The following CALN1 variants were observed in gnomAD, a reference collection of about 807,000 sequenced individuals.
CALN1 encodes the protein calcium-binding protein 8.
CALN1 carries 17 observed loss-of-function variants against 30.6 expected under a neutral mutation model. The ratio of observed to expected loss-of-function variants is 0.56; its 90% CI spans 0.38 to 0.83. The LOEUF (loss-of-function observed/expected upper bound fraction) is 0.83. CALN1 is among the 40% of genes least tolerant of loss of function. The pLI, the probability that CALN1 is intolerant of heterozygous loss-of-function variation, is 0.00. For synonymous variants in CALN1, 156 were observed against 131.4 expected (o/e 1.19, Z -1.28); for missense variants, 291 against 354.9 (o/e 0.82, Z 1.45).
chr7:72,016,599 G>A (rs762844065), intron 5 of CALN1, among the ~76,000 whole-genome samples: 5 of 151,658 alleles, frequency 3.3e-5, no homozygotes, highest in East Asian at 3.9e-4. Context: ...ACCATGCCTC[G>A]CTAATTTTTG....
chr7:71,978,867 T>C (rs1482875340), intron 5 of CALN1, among the ~76,000 whole-genome samples: 2 of 152,250 alleles, frequency 1.3e-5, no homozygotes, highest in African/African-American at 4.8e-5. Context: ...TGAGCAACTA[T>C]TTGTTGGAAG....
At chr7:71,979,216 G>T (rs1167683780) in intron 5 of CALN1, among the ~76,000 whole-genome samples, 1 of 152,116 alleles carries the variant, frequency 6.6e-6, no homozygotes, top group African/African-American at 2.4e-5. Flanking sequence ...ATTTTTCCTA[G>T]GACTGGGGAG....
At chr7:72,189,695 G>C (rs1460722365) in intron 3 of CALN1, among the ~76,000 whole-genome samples, 1 of 151,226 alleles carries the variant, frequency 6.6e-6, no homozygotes, top group African/African-American at 2.4e-5. Context: ...TTGAATCCAG[G>C]AGGCAGAGGC....
At chr7:72,343,704 A>G (rs1334423890) in intron 2 of CALN1, among the ~76,000 whole-genome samples, 1 of 152,182 alleles carries the variant, frequency 6.6e-6, no homozygotes, top group Admixed American at 6.5e-5. Flanking sequence ...TTGAAGAAGA[A>G]GCTATTCCAG....
At chr7:72,458,211 T>A in the CALN1 span, among the ~76,000 whole-genome samples, 1,320 of 111,624 alleles carry the variant, frequency 0.012, 92 homozygotes, top group African/African-American at 0.035. Flanking sequence ...ATAATATATT[T>A]TATAATATAT....
At chr7:72,456,182 CA>C in the CALN1 span, among the ~76,000 whole-genome samples, 904 of 115,434 alleles carry the variant, frequency 7.8e-3, 2 homozygotes, top group African/African-American at 0.021. Flanking sequence ...CACTCAGTCT[CA>C]AAAAAAAAAA....
intron 5 of CALN1, among the ~76,000 whole-genome samples, chr7:71,817,859 C>A (rs907311583): frequency 3.3e-5 from 5 of 151,482 alleles, no homozygotes; most frequent in Admixed American, 3.3e-4. Flanking sequence ...TAATTATAAT[C>A]TTTTTCTATA....
At chr7:72,246,917 G>A (rs969785735) in intron 3 of CALN1, among the ~76,000 whole-genome samples, 1 of 151,924 alleles carries the variant, frequency 6.6e-6, no homozygotes, top group Non-Finnish European at 1.5e-5. Context: ...ACCATGCCCG[G>A]CTAATTTCAT....
chr7:72,303,579 A>G (rs564624754), intron 2 of CALN1, among the ~76,000 whole-genome samples: 1 of 152,224 alleles, frequency 6.6e-6, no homozygotes, highest in Non-Finnish European at 1.5e-5. Context: ...AAAGAAAAAA[A>G]AAAAAGAAAC....
intron 2 of CALN1, among the ~76,000 whole-genome samples, chr7:72,354,400 A>G (rs188961784): frequency 1.3e-5 from 2 of 152,350 alleles, no homozygotes; most frequent in South Asian, 2.1e-4. Flanking sequence ...CTACAGGTTC[A>G]GCATCATCAA....
chr7:72,140,113 A>C (rs963218799), intron 3 of CALN1, among the ~76,000 whole-genome samples: 3 of 151,916 alleles, frequency 2.0e-5, no homozygotes, highest in Non-Finnish European at 1.5e-5. Flanking sequence ...TCTGCAATAA[A>C]TTTAAAAATT....
In CALN1 at chr7:71,837,203, GCC is replaced by G. The variant is rs1277455180; in HGVS notation, c.502-26713_502-26712del. Among the ~76,000 whole-genome samples the G allele has an allele frequency of 6.5e-5, 8 of 122,422 alleles. No individual in the cohort carries two copies. The Admixed American group carries it at 8.9e-4, about 14-fold the overall frequency. 80.3% of individuals were successfully genotyped at this position (122,422 alleles called of 152,430 possible). ...GCTGAGATCACGCCACTGCACTCCAGCCCGGGTGACAGGGCGAAACTCCATCT... is the reference window on the plus strand; with the variant it reads ...GCTGAGATCACGCCACTGCACTCCAGCGGGTGACAGGGCGAAACTCCATCT... On this transcript the variant is annotated intron_variant, in intron 5 of 6. Coordinates refer to ENST00000395275, the MANE Select transcript of CALN1 (RefSeq NM_031468.4).
intron 4 of CALN1, among the ~76,000 whole-genome samples, chr7:72,057,939 A>G (rs1318582078): frequency 1.3e-5 from 2 of 152,246 alleles, no homozygotes; most frequent in Non-Finnish European, 2.9e-5. Context: ...CGAATACTGC[A>G]GCTGAATGCT....
chr7:72,103,844 G>T (rs1292380315), intron 4 of CALN1, among the ~76,000 whole-genome samples: 3 of 152,118 alleles, frequency 2.0e-5, no homozygotes, highest in Non-Finnish European at 4.4e-5. Context: ...GTGACAATGG[G>T]AATGACACAG....
chr7:72,478,853 T>G, the CALN1 span, among the ~76,000 whole-genome samples: 2 of 151,238 alleles, frequency 1.3e-5, no homozygotes. Context: ...GATTGTTTCT[T>G]CACAGGTTTA....
At chr7:72,321,892 C>G (rs1313317200) in intron 2 of CALN1, among the ~76,000 whole-genome samples, 1 of 152,132 alleles carries the variant, frequency 6.6e-6, no homozygotes, top group Admixed American at 6.5e-5. Context: ...ACAAATCACC[C>G]TGGGTCCCAG....
At chr7:71,846,979 C>T (rs1326521878) in intron 5 of CALN1, among the ~76,000 whole-genome samples, 1 of 147,130 alleles carries the variant, frequency 6.8e-6, no homozygotes, top group African/African-American at 2.5e-5. Context: ...CATATATACA[C>T]ATATACACAC....
At chr7:72,439,861 G>C (rs1474938077) in intron 1 of CALN1, among the ~76,000 whole-genome samples, 1 of 152,158 alleles carries the variant, frequency 6.6e-6, no homozygotes, top group Non-Finnish European at 1.5e-5. Flanking sequence ...ACAGGCGTGA[G>C]CCACTGTGCC....
chr7:71,825,359 T>C (rs934143319), intron 5 of CALN1, among the ~76,000 whole-genome samples: 1 of 152,222 alleles, frequency 6.6e-6, no homozygotes, highest in Non-Finnish European at 1.5e-5. Flanking sequence ...ATAAGTCTCA[T>C]GAGATCTGGT....
Sources: gnomAD v4.1 joint callset for allele counts (sites outside exome capture counted in the v4.1 genomes callset) on GRCh38, gnomAD v4.1.1 for gene constraint, MANE v1.5 for transcripts, NCBI Gene and HGNC (gene_info 2026-07-23, HGNC 2026-07-21) for gene names.